RERG: variants seen among roughly 807,000 people sequenced by gnomAD.
The protein encoded by RERG is ras-related and estrogen-regulated growth inhibitor.
A neutral mutation model predicts 23.2 loss-of-function variants in RERG; 25 were observed. That is an observed-to-expected ratio of 1.08 (90% CI 0.79 to 1.50). The LOEUF (loss-of-function observed/expected upper bound fraction) is 1.50, where lower values mean the gene tolerates loss of function less well. Ranked by LOEUF, RERG falls within the 40% of genes most tolerant of loss-of-function variation. The pLI is 0.00. For synonymous variants in RERG, 81 were observed against 89.1 expected, an observed-to-expected ratio of 0.91 and a Z score of 0.51; for missense variants, 253 against 250.1, an observed-to-expected ratio of 1.01 and a Z score of -0.08.
chr12:15,123,507 C>T (rs1863876443), intron 2 of RERG, among the ~76,000 whole-genome samples: 1 of 129,740 alleles, frequency 7.7e-6, no homozygotes. Flanking sequence ...ATATTCAAAA[C>T]AGTTGTTTAA....
intron 2 of RERG, among the ~76,000 whole-genome samples, chr12:15,149,273 T>C (rs1425970205): frequency 6.6e-6 from 1 of 152,202 alleles, no homozygotes; most frequent in Non-Finnish European, 1.5e-5. Flanking sequence ...GACTTTTTCA[T>C]CTATTTTTTA....
chr12:15,165,382 A>T (rs960027336), intron 2 of RERG, among the ~76,000 whole-genome samples: 13 of 152,234 alleles, frequency 8.5e-5, no homozygotes, highest in African/African-American at 2.9e-4. Flanking sequence ...AGCTCCAAAA[A>T]TAACATCTGT....
chr12:15,202,494 A>T (rs974528435), intron 2 of RERG, among the ~76,000 whole-genome samples: 1 of 151,704 alleles, frequency 6.6e-6, no homozygotes, highest in Admixed American at 6.6e-5. Flanking sequence ...CTATTTTCTA[A>T]TTCTGTAAGT....
chr12:15,196,142 G>GTTAAA (rs1865140968), intron 2 of RERG, among the ~76,000 whole-genome samples: 2 of 152,086 alleles, frequency 1.3e-5, no homozygotes, highest in South Asian at 4.2e-4. Flanking sequence ...AGTTTCCATG[G>GTTAAA]GTAAGCTCTG....
chr12:15,109,788 G>C lies in RERG; in HGVS notation c.193-271C>G, dbSNP rs556005057. 3.9e-5 allele frequency among the ~76,000 whole-genome samples: 6 copies of C among 152,040 alleles called. 1 individual carries two copies. In the East Asian group the frequency reaches 1.2e-3, roughly 29 times the overall value. ...TTTTTCTTGCCATATCATTAAATCT[G>C]TAATCATAAAAACTAAAAAGAAATT... On this transcript the variant is annotated intron_variant, in intron 4 of 4. Transcript: ENST00000256953.
In RERG at chr12:15,211,284, TACACACACACAC is replaced by T. The variant is rs56263472; in HGVS notation, c.61+6133_61+6144del. ...AAATGGATTTTAGAATGTCATTTTATACACACACACACACACACACACACACACACACACACA... is the reference window on the plus strand; with the variant it reads ...AAATGGATTTTAGAATGTCATTTTATACACACACACACACACACACACACA... On this transcript the variant is annotated intron_variant, in intron 2 of 4. Coordinates refer to ENST00000256953, the MANE Select transcript of RERG (RefSeq NM_032918.3). Among the ~76,000 whole-genome samples the T allele has an allele frequency of 3.4e-3, 482 of 142,872 alleles. 2 individuals are homozygous for T. The highest frequency in any genetic ancestry group is 0.011 in the African/African-American group (434 of 38,070). 93.7% of individuals were successfully genotyped at this position (142,872 alleles called of 152,430 possible). A position where few individuals can be genotyped will look rare whatever the true frequency, so the allele number is the denominator to read the frequency against.
At position 15,207,086 on chromosome 12, in the gene RERG, T is replaced by C. The variant is rs977345095; in HGVS notation, c.61+10343A>G. Among the ~76,000 whole-genome samples, 5 of 152,290 alleles carry C rather than the reference T, an allele frequency of 3.3e-5. No homozygotes were observed. The East Asian group carries it at 7.7e-4, about 24-fold the overall frequency. ...ACCAAGAACCAAAGACCTATGCTTT[T>C]GTTAACCAGTTGTAAGTTACCCAAA... On this transcript the variant is annotated intron_variant, in intron 2 of 4. Coordinates refer to ENST00000256953, the MANE Select transcript of RERG (RefSeq NM_032918.3).
At chr12:15,135,147 T>C (rs1212885534) in intron 2 of RERG, among the ~76,000 whole-genome samples, 1 of 152,174 alleles carries the variant, frequency 6.6e-6, no homozygotes, top group Non-Finnish European at 1.5e-5. Context: ...CTCGCACATA[T>C]TGTTAGATTT....
At chr12:15,214,455 C>T (rs1025659513) in intron 2 of RERG, among the ~76,000 whole-genome samples, 1 of 152,084 alleles carries the variant, frequency 6.6e-6, no homozygotes, top group Non-Finnish European at 1.5e-5. Context: ...GTAGAGGGGA[C>T]AGGTAAGACT....
intron 3 of RERG, among the ~76,000 whole-genome samples, chr12:15,114,273 T>C (rs1484496051): frequency 6.6e-6 from 1 of 152,138 alleles, no homozygotes; most frequent in Non-Finnish European, 1.5e-5. Context: ...GTTGACTACA[T>C]TAAAATTAAG....
intron 2 of RERG, among the ~76,000 whole-genome samples, chr12:15,178,736 G>T (rs1240559463): frequency 2.0e-5 from 3 of 152,166 alleles, no homozygotes; most frequent in Admixed American, 2.0e-4. Flanking sequence ...GACATTCATT[G>T]TACAGGAACA....
At chr12:15,179,710 C>T (rs1257636026) in intron 2 of RERG, among the ~76,000 whole-genome samples, 1 of 152,144 alleles carries the variant, frequency 6.6e-6, no homozygotes, top group Non-Finnish European at 1.5e-5. Flanking sequence ...CAATTGCCAT[C>T]CCTGAAAGCC....
At chr12:15,115,025 A>G (rs1863694360) in intron 3 of RERG, among the ~76,000 whole-genome samples, 1 of 152,164 alleles carries the variant, frequency 6.6e-6, no homozygotes. Flanking sequence ...AATACCGTGT[A>G]GAAGACTAGA....
intron 2 of RERG, among the ~76,000 whole-genome samples, chr12:15,174,498 A>G (rs200413873): frequency 0.078 from 10,546 of 135,886 alleles, 1,153 homozygotes; most frequent in African/African-American, 0.25. Flanking sequence ...GTGTGTGTGT[A>G]TATATATATA....
At chr12:15,117,612 A>C (rs1401549706) in intron 3 of RERG, among the ~76,000 whole-genome samples, 1 of 151,968 alleles carries the variant, frequency 6.6e-6, no homozygotes, top group Admixed American at 6.6e-5. Flanking sequence ...TAACAGTCGC[A>C]GTAGTGATAG....
chr12:15,208,352 G>A (rs1327534897), intron 2 of RERG, among the ~76,000 whole-genome samples: 1 of 152,168 alleles, frequency 6.6e-6, no homozygotes, highest in Non-Finnish European at 1.5e-5. Flanking sequence ...TTCCGGTCAT[G>A]TTGCATTCCT....
chr12:15,126,983 G>A (rs766664139), intron 2 of RERG, among the ~76,000 whole-genome samples: 10 of 152,014 alleles, frequency 6.6e-5, no homozygotes, highest in Non-Finnish European at 1.0e-4. Flanking sequence ...CTCCCAAAGT[G>A]CTGGGATTAC....
intron 2 of RERG, among the ~76,000 whole-genome samples, chr12:15,171,811 A>G (rs1231005256): frequency 6.6e-6 from 1 of 152,198 alleles, no homozygotes; most frequent in East Asian, 1.9e-4. Flanking sequence ...GCTACCTAAA[A>G]TAATAGAGGT....
intron 2 of RERG, among the ~76,000 whole-genome samples, chr12:15,139,163 C>T (rs564375146): frequency 2.0e-5 from 3 of 151,664 alleles, no homozygotes; most frequent in Admixed American, 2.0e-4. Context: ...CCTCTGAGCT[C>T]TTTATTCTGT....
Sources: gnomAD v4.1 joint callset for allele counts (sites outside exome capture counted in the v4.1 genomes callset) on GRCh38, gnomAD v4.1.1 for gene constraint, MANE v1.5 for transcripts, NCBI Gene and HGNC (gene_info 2026-07-23, HGNC 2026-07-21) for gene names.